PHOSPHO2: variants seen among roughly 807,000 people sequenced by gnomAD.
PHOSPHO2 encodes phosphatase, orphan 2.
In PHOSPHO2, 14 loss-of-function variants were observed where a neutral mutation model predicts 16.4. The observed-to-expected ratio is 0.85, with a 90% CI of 0.56 to 1.33. PHOSPHO2 has a LOEUF of 1.33. PHOSPHO2 is among the 40% of genes most tolerant of loss of function. The pLI, the probability that PHOSPHO2 is intolerant of heterozygous loss-of-function variation, is 0.00. For missense variants in PHOSPHO2, 246 were observed against 282.5 expected, an observed-to-expected ratio of 0.87 and a Z score of 0.93; for synonymous variants, 85 against 90.5, an observed-to-expected ratio of 0.94 and a Z score of 0.34.
intron 2 of PHOSPHO2, among the ~76,000 whole-genome samples, chr2:169,695,498 G>A (rs112324134): frequency 0.04 from 6,152 of 152,274 alleles, 180 homozygotes; most frequent in Non-Finnish European, 0.063. Context: ...TTAGCCAGGC[G>A]TGGTGGCGGG....
At chr2:169,700,857 A>G in intron 3 of PHOSPHO2, 89 bp from the exon 4 acceptor site, 1 of 1,271,184 alleles carries the variant, frequency 7.9e-7, no homozygotes, top group Non-Finnish European at 1.1e-6. Flanking sequence ...CCTTTAGCAG[A>G]TTAACATTTA....
At position 169,701,289 on chromosome 2, in the gene PHOSPHO2, T is replaced by C; in HGVS notation, c.318T>C (p.Asp106=). 6.2e-7 allele frequency: 1 copy of C among 1,613,174 alleles called. No individual in the cohort carries two copies. Among genetic ancestry groups the C allele is most frequent in the Non-Finnish European group, 8.5e-7 (1 of 1,179,602 alleles). ...CAGATTCAAATTCGGTCTTCATAGA[T>C]TGGGTTTTAGAAGCTGCCAGTTTTC... The part of the protein sequence containing the change: ...IISDSNSVFI[D]WVLEAASFHD... The change falls in exon 4 of 4, where the codon GAT becomes GAC. Residue 106 remains aspartate (D), a synonymous_variant. Transcript: ENST00000359744.
Position 169,701,584 on chromosome 2 carries a change from C to T in PHOSPHO2, c.613C>T (p.Gln205Ter). ...CATGCCACGGAAAGGATATACCTTA[C>T]AGAAAACTCTTTCCAGAATGTCTCA... ...VAMPRKGYTL[Q>*]KTLSRMSQNL... is the part of the protein sequence containing the mutation. The change falls in exon 4 of 4, where the codon CAG becomes TAG. Residue 205 changes from glutamine to a stop codon, truncating the protein, a stop_gained. Coordinates refer to ENST00000359744, the MANE Select transcript of PHOSPHO2 (RefSeq NM_001008489.4). LOFTEE classifies it high-confidence loss of function. 1 of 1,611,332 alleles carries T rather than the reference C, an allele frequency of 6.2e-7. No individual in the cohort carries two copies. The highest frequency in any genetic ancestry group is 1.1e-5 in the South Asian group (1 of 91,024).
Position 169,701,000 on chromosome 2 carries a change from A to G in PHOSPHO2, c.29A>G (p.Asp10Gly). MKILLVFDF[D>G]NTIIDDNSDT... ...AAAATTTTGCTAGTTTTTGACTTTGACAATACAATCATAGATGACAATAGT... is the reference window on the plus strand; with the variant it reads ...AAAATTTTGCTAGTTTTTGACTTTGGCAATACAATCATAGATGACAATAGT... Residue 10 changes from aspartate (D) to glycine (G), a missense_variant, in exon 4 of 4, where the codon GAC becomes GGC. Coordinates refer to ENST00000359744, the MANE Select transcript of PHOSPHO2 (RefSeq NM_001008489.4). 6.3e-7 allele frequency: 1 copy of G among 1,599,942 alleles called. No homozygotes were observed. The highest frequency in any genetic ancestry group is 8.5e-7 in the Non-Finnish European group (1 of 1,174,286).
At position 169,699,993 on chromosome 2, in the gene PHOSPHO2, G is replaced by A. The variant is rs139156784; in HGVS notation, c.-26-953G>A. On this transcript the variant is annotated intron_variant, in intron 3 of 3. Coordinates refer to ENST00000359744, the MANE Select transcript of PHOSPHO2 (RefSeq NM_001008489.4). ...AGTCTTTAACTATTTGGGAGCTAAA[G>A]GTGTAAGAGAAGATAAAATGAAAAG... 1.2e-4 allele frequency among the ~76,000 whole-genome samples: 19 copies of A among 152,282 alleles called. No individual in the cohort carries two copies. In the East Asian group the frequency reaches 3.7e-3, roughly 29 times the overall value.
At chr2:169,699,325 C>T (rs146088967) in intron 3 of PHOSPHO2, among the ~76,000 whole-genome samples, 2,180 of 152,200 alleles carry the variant, frequency 0.014, 61 homozygotes, top group African/African-American at 0.05. Flanking sequence ...CTTCCAGATC[C>T]ATCCATGTCC....
Position 169,694,633 on chromosome 2 carries a change from A to C in PHOSPHO2, c.-231+11A>C. On this transcript the variant is annotated intron_variant, in intron 1 of 3. Transcript: ENST00000359744. ...CGACGGCGGGACTGGGTCAGTGAGA[A>C]GCCCGTGGGCCCCCGCCCTGCCTGC... 1 of 494,594 alleles carries C rather than the reference A, an allele frequency of 2.0e-6. No individual in the cohort carries two copies. Among genetic ancestry groups the C allele is most frequent in the African/African-American group, 1.9e-5 (1 of 51,630 alleles). The allele number at this position is 494,594 out of a possible 1,614,324, so 30.6% of individuals were successfully genotyped here. A position where few individuals can be genotyped will look rare whatever the true frequency, so the allele number is the denominator to read the frequency against.
At chr2:169,700,872 T>G in intron 3 of PHOSPHO2, 74 bp from the exon 4 acceptor site, 2 of 1,339,990 alleles carry the variant, frequency 1.5e-6, no homozygotes, top group East Asian at 2.4e-5. Flanking sequence ...CATTTAGTTA[T>G]GTTTATTAAA....
chr2:169,698,347 T>C (rs1687623380), intron 3 of PHOSPHO2: 2 of 152,202 alleles, frequency 1.3e-5, no homozygotes, highest in African/African-American at 2.4e-5. Flanking sequence ...GAGTAGTCAT[T>C]AAATATTCTA....
chr2:169,694,641 G>C lies in PHOSPHO2; in HGVS notation c.-231+19G>C, dbSNP rs1458167487. ...GGACTGGGTCAGTGAGAAGCCCGTG[G>C]GCCCCCGCCCTGCCTGCTACTCCCA... On this transcript the variant is annotated intron_variant, in intron 1 of 3. Transcript: ENST00000359744. The C allele has an allele frequency of 4.2e-6, 2 of 479,232 alleles. No individual in the cohort carries two copies. Among genetic ancestry groups the C allele is most frequent in the African/African-American group, 3.9e-5 (2 of 51,098 alleles). The allele number at this position is 479,232 out of a possible 1,614,324, so 29.7% of individuals were successfully genotyped here.
chr2:169,694,698 C>T (rs534524271), intron 1 of PHOSPHO2, 76 bp downstream of exon 1: 2 of 360,606 alleles, frequency 5.5e-6, no homozygotes, highest in Admixed American at 3.7e-5. Context: ...TGGGGGACGA[C>T]CCCCGATTGG....
intron 2 of PHOSPHO2, among the ~76,000 whole-genome samples, chr2:169,695,961 C>T (rs1204623870): frequency 6.6e-6 from 1 of 152,148 alleles, no homozygotes; most frequent in Non-Finnish European, 1.5e-5. Context: ...TACAAACATC[C>T]TTGAGACAAT....
intron 3 of PHOSPHO2, among the ~76,000 whole-genome samples, chr2:169,698,786 T>C (rs1210826719): frequency 6.6e-6 from 1 of 152,188 alleles, no homozygotes; most frequent in Non-Finnish European, 1.5e-5. Flanking sequence ...AACAGTATGA[T>C]TACTCAGGTG....
Position 169,701,212 on chromosome 2 carries a change from C to G in PHOSPHO2, c.241C>G (p.Leu81Val), listed in dbSNP as rs761437235. 1.2e-6 allele frequency: 2 copies of G among 1,614,012 alleles called. No homozygotes were observed. The highest frequency in any genetic ancestry group is 1.7e-5 in the Admixed American group (1 of 60,024). The change falls in exon 4 of 4, where the codon CTC becomes GTC. Residue 81 changes from leucine (L) to valine (V), a missense_variant. Leu to Val is a conservative substitution (Grantham distance 32). Transcript: ENST00000359744. ...SLPFTPGMVELFNFIRKNKDK... is the reference protein window; with the variant it reads ...SLPFTPGMVEVFNFIRKNKDK... ...GCCTTTCACTCCAGGGATGGTGGAA[C>G]TCTTCAACTTTATAAGAAAGAATAA...
chr2:169,700,495 A>G (rs953599235), intron 3 of PHOSPHO2, among the ~76,000 whole-genome samples: 1 of 151,968 alleles, frequency 6.6e-6, no homozygotes, highest in Non-Finnish European at 1.5e-5. Flanking sequence ...TTTCTTAAAA[A>G]GTTATTTTAC....
intron 2 of PHOSPHO2, among the ~76,000 whole-genome samples, chr2:169,696,189 C>A (rs1558929067): frequency 1.3e-5 from 2 of 152,146 alleles, no homozygotes; most frequent in African/African-American, 4.8e-5. Context: ...ATTGTCACAA[C>A]CAAGTCAATC....
intron 2 of PHOSPHO2, 46 bp downstream of exon 2, chr2:169,695,293 T>G (rs1687476093): frequency 6.6e-6 from 1 of 152,206 alleles, no homozygotes; most frequent in Admixed American, 6.5e-5. Context: ...AGAAATTAGT[T>G]TGTGCACATA....
At position 169,701,688 on chromosome 2, in the gene PHOSPHO2, A is replaced by G; in HGVS notation, c.717A>G (p.Ile239Met). The change falls in exon 4 of 4, where the codon ATA becomes ATG. Residue 239 changes from isoleucine to methionine, a missense_variant. By Grantham distance (10) the Ile-to-Met change is conservative. Transcript: ENST00000359744. ...TAATTTCTCATTTACAATTTCTAAT[A>G]AAGGATTAATATGTCAGCAATTGAA... ...VDIISHLQFL[I>M]KD is the part of the protein sequence containing the mutation. 1 of 1,540,670 alleles carries G rather than the reference A, an allele frequency of 6.5e-7. No individual in the cohort carries two copies.
Position 169,701,514 on chromosome 2 carries a change from A to T in PHOSPHO2, c.543A>T (p.Gly181=). Residue 181 remains glycine, a synonymous_variant, in exon 4 of 4, where the codon GGA becomes GGT. Transcript: ENST00000359744. Reference sequence around the variant, plus strand: ...AAATTGTTTATATTGGTGATGGTGGAAATGATGTCTGTCCAGTCACCTTTT... The same window carrying T: ...AAATTGTTTATATTGGTGATGGTGGTAATGATGTCTGTCCAGTCACCTTTT... ...YTQIVYIGDG[G]NDVCPVTFLK... is the part of the protein sequence containing the mutation. 1 of 1,613,676 alleles carries T rather than the reference A, an allele frequency of 6.2e-7. No homozygotes were observed.
Sources: gnomAD v4.1 joint callset for allele counts (sites outside exome capture counted in the v4.1 genomes callset) on GRCh38, gnomAD v4.1.1 for gene constraint, MANE v1.5 for transcripts, NCBI Gene and HGNC (gene_info 2026-07-23, HGNC 2026-07-21) for gene names.